ANKRD6: variants seen among roughly 807,000 people sequenced by gnomAD.
The protein encoded by ANKRD6 is ankyrin repeat domain 6, also known as ankyrin repeat domain-containing protein 6.
A neutral mutation model predicts 82.3 loss-of-function variants in ANKRD6; 56 were observed. That is an observed-to-expected ratio of 0.68 (90% CI 0.55 to 0.85). The LOEUF (loss-of-function observed/expected upper bound fraction) is 0.85. Ranked by LOEUF, ANKRD6 falls within the 40% of genes least tolerant of loss-of-function variation. The pLI is 0.00. For missense variants in ANKRD6, 852 were observed against 907.6 expected, an observed-to-expected ratio of 0.94 and a Z score of 0.79; for synonymous variants, 347 against 352.1, an observed-to-expected ratio of 0.99 and a Z score of 0.16.
At position 89,633,670 on chromosome 6, in the gene ANKRD6, T is replaced by A. The variant is rs995694318; in HGVS notation, c.*2666T>A. 24 of 152,312 alleles carry A rather than the reference T, an allele frequency of 1.6e-4. No individual in the cohort carries two copies. The highest frequency in any genetic ancestry group is 4.8e-4 in the African/African-American group (20 of 41,568). 9.4% of individuals were successfully genotyped at this position (152,312 alleles called of 1,614,324 possible). A position where few individuals can be genotyped will look rare whatever the true frequency, so the allele number is the denominator to read the frequency against. On this transcript the variant is annotated 3_prime_UTR_variant, in exon 16 of 16. Transcript: ENST00000339746. ...TTGGGAGCCCAAAATAAAGGGAGTG[T>A]TGTTTTCATGGTTATGCCTTGTTTG... is the stretch of plus-strand genomic sequence containing the variant.
rs1260844791 is a variant in ANKRD6 at position 89,630,796 on chromosome 6, G to A, written c.1976G>A (p.Arg659Gln). The A allele has an allele frequency of 4.3e-6, 7 of 1,613,772 alleles. No homozygotes were observed. The highest frequency in any genetic ancestry group is 2.2e-5 in the South Asian group (2 of 91,082). Residue 659 changes from arginine (R) to glutamine (Q), a missense_variant, in exon 16 of 16, where the codon CGG becomes CAG. Arg to Gln is a conservative substitution (Grantham distance 43, BLOSUM62 1). Transcript: ENST00000339746. ...AGCGAGCAGACTGGCCCTCACATTCGGGACACCTCCCAAGCTCTGGAGCTT... is the reference window on the plus strand; with the variant it reads ...AGCGAGCAGACTGGCCCTCACATTCAGGACACCTCCCAAGCTCTGGAGCTT... ...TGSEQTGPHIRDTSQALELTQ... is the reference protein window; with the variant it reads ...TGSEQTGPHIQDTSQALELTQ...
intron 7 of ANKRD6, among the ~76,000 whole-genome samples, chr6:89,615,065 C>G (rs1030622071): frequency 1.3e-5 from 2 of 152,000 alleles, no homozygotes; most frequent in African/African-American, 4.8e-5. Flanking sequence ...CAATTTCCAG[C>G]AGTCATTGGA....
chr6:89,534,230 G>C (rs573034477), intron 1 of ANKRD6, among the ~76,000 whole-genome samples: 1 of 152,238 alleles, frequency 6.6e-6, no homozygotes, highest in East Asian at 1.9e-4. Flanking sequence ...ATACCATGTT[G>C]CCACCCTAAC....
At position 89,632,270 on chromosome 6, in the gene ANKRD6, AAAAC is replaced by A. The variant is rs1005681281; in HGVS notation, c.*1270_*1273del. On this transcript the variant is annotated 3_prime_UTR_variant, in exon 16 of 16. Transcript: ENST00000339746. ...ATTTATTAACATGGGGACACCAAGA[AAAAC>A]AAAGTATGCTTTTATTCCCTTTGTC... 4 of 152,264 alleles carry A rather than the reference AAAAC, an allele frequency of 2.6e-5. No homozygotes were observed. The highest frequency in any genetic ancestry group is 5.9e-5 in the Non-Finnish European group (4 of 68,048). 9.4% of individuals were successfully genotyped at this position (152,264 alleles called of 1,614,324 possible).
intron 1 of ANKRD6, among the ~76,000 whole-genome samples, chr6:89,487,383 A>G (rs1777500610): frequency 6.6e-6 from 1 of 152,248 alleles, no homozygotes; most frequent in Non-Finnish European, 1.5e-5. Flanking sequence ...GTATTACTTT[A>G]GGATCATTTT....
At chr6:89,615,094 T>C (rs1801214730) in intron 7 of ANKRD6, among the ~76,000 whole-genome samples, 1 of 152,230 alleles carries the variant, frequency 6.6e-6, no homozygotes, top group African/African-American at 2.4e-5. Context: ...TTAGATTGTC[T>C]TGGTATTTAT....
At chr6:89,461,953 C>T (rs767772676) in intron 1 of ANKRD6, among the ~76,000 whole-genome samples, 9 of 152,110 alleles carry the variant, frequency 5.9e-5, no homozygotes, top group Admixed American at 3.9e-4. Flanking sequence ...TGAAATGGGC[C>T]GGGCACAGTG....
chr6:89,618,832 T>C (rs1802273853), intron 9 of ANKRD6, among the ~76,000 whole-genome samples: 1 of 152,246 alleles, frequency 6.6e-6, no homozygotes, highest in Non-Finnish European at 1.5e-5. Context: ...TTTGTTGCTA[T>C]TAATAGTTTA....
chr6:89,629,756 A>C (rs538732060), intron 15 of ANKRD6, among the ~76,000 whole-genome samples: 1 of 152,386 alleles, frequency 6.6e-6, no homozygotes, highest in East Asian at 1.9e-4. Context: ...TATACTCAAT[A>C]ATGACAATTT....
At chr6:89,468,248 A>T (rs566808687) in intron 1 of ANKRD6, among the ~76,000 whole-genome samples, 1 of 152,244 alleles carries the variant, frequency 6.6e-6, no homozygotes, top group Non-Finnish European at 1.5e-5. Context: ...GTCTGTCTGG[A>T]TTTTTTCACT....
intron 1 of ANKRD6, among the ~76,000 whole-genome samples, chr6:89,453,021 A>G (rs1256056767): frequency 6.6e-6 from 1 of 152,142 alleles, no homozygotes; most frequent in Non-Finnish European, 1.5e-5. Context: ...TAGCCTCACA[A>G]ATTTTCATAA....
chr6:89,541,681 C>T (rs956732281), intron 1 of ANKRD6, among the ~76,000 whole-genome samples: 1 of 151,796 alleles, frequency 6.6e-6, no homozygotes, highest in Non-Finnish European at 1.5e-5. Context: ...AATAGAATTA[C>T]TTTTTAGATT....
At chr6:89,442,544 G>T (rs1378852417) in intron 1 of ANKRD6, among the ~76,000 whole-genome samples, 1 of 150,472 alleles carries the variant, frequency 6.6e-6, no homozygotes, top group Non-Finnish European at 1.5e-5. Flanking sequence ...GATCGCTTGA[G>T]CCTGGGAGGT....
At chr6:89,462,296 T>C (rs1357962667) in intron 1 of ANKRD6, among the ~76,000 whole-genome samples, 1 of 149,284 alleles carries the variant, frequency 6.7e-6, no homozygotes, top group African/African-American at 2.5e-5. Flanking sequence ...ATGAAGGAAG[T>C]TTACAGTGTT....
intron 2 of ANKRD6, among the ~76,000 whole-genome samples, chr6:89,574,144 A>G (rs1174220213): frequency 6.6e-6 from 1 of 152,156 alleles, no homozygotes; most frequent in South Asian, 2.1e-4. Context: ...CTGCTTATTA[A>G]AGGCTTATTA....
Position 89,624,686 on chromosome 6 carries a change from C to T in ANKRD6, c.1366C>T (p.His456Tyr). The change falls in exon 13 of 16, where the codon CAC (histidine) becomes TAC (tyrosine). Residue 456 changes from histidine (H) to tyrosine (Y), a missense_variant. By Grantham distance (83) the His-to-Tyr change is moderately conservative. Coordinates refer to ENST00000339746, the MANE Select transcript of ANKRD6 (RefSeq NM_001242809.2). ...KLGQMENKTQHQMRVLDKLMV... is the reference protein window; with the variant it reads ...KLGQMENKTQYQMRVLDKLMV... ...GGGGCAGATGGAGAATAAGACCCAG[C>T]ACCAAGTATGTCATAAGGCCCAGCT... is the stretch of plus-strand genomic sequence containing the variant. 2 of 1,604,634 alleles carry T rather than the reference C, an allele frequency of 1.2e-6. No individual in the cohort carries two copies. The highest frequency in any genetic ancestry group is 1.7e-6 in the Non-Finnish European group (2 of 1,175,530).
At chr6:89,610,383 G>A (rs1021606491) in intron 5 of ANKRD6, among the ~76,000 whole-genome samples, 39 of 152,072 alleles carry the variant, frequency 2.6e-4, no homozygotes, top group African/African-American at 8.5e-4. Context: ...CTTAAACTTA[G>A]CATAATGTTT....
chr6:89,528,296 T>C (rs1439908572), intron 1 of ANKRD6, among the ~76,000 whole-genome samples: 4 of 152,248 alleles, frequency 2.6e-5, no homozygotes, highest in Non-Finnish European at 5.9e-5. Context: ...TATGTACTAT[T>C]CTAAATTTTT....
intron 1 of ANKRD6, among the ~76,000 whole-genome samples, chr6:89,542,388 C>T (rs1784543374): frequency 6.6e-6 from 1 of 152,200 alleles, no homozygotes; most frequent in South Asian, 2.1e-4. Context: ...GTGTATTAGA[C>T]AATGCACAGT....
Sources: gnomAD v4.1 joint callset for allele counts (sites outside exome capture counted in the v4.1 genomes callset) on GRCh38, gnomAD v4.1.1 for gene constraint, MANE v1.5 for transcripts, NCBI Gene and HGNC (gene_info 2026-07-23, HGNC 2026-07-21) for gene names.